The following PPFIBP2 variants were observed in gnomAD, a reference collection of about 807,000 sequenced individuals.
PPFIBP2 encodes the protein PPFIB scaffold protein 2, also known as liprin-beta-2.
Under a neutral mutation model 118.3 loss-of-function variants are expected in PPFIBP2, and 118 were observed. The ratio of observed to expected loss-of-function variants is 1.00; its 90% CI spans 0.86 to 1.16. The LOEUF is 1.16. Ranked by LOEUF, PPFIBP2 falls within the 50% of genes most tolerant of loss-of-function variation. The probability of loss-of-function intolerance (pLI) is 0.00; values close to 1 mark genes in which losing one functional copy is unlikely to be tolerated. For synonymous variants in PPFIBP2, 414 were observed against 397.4 expected (o/e 1.04, Z -0.50); for missense variants, 1,195 against 1,073.1 (o/e 1.11, Z -1.59).
intron 15 of PPFIBP2, 103 bp downstream of exon 15, chr11:7,639,973 G>T (rs1033435340): frequency 2.7e-6 from 4 of 1,462,340 alleles, no homozygotes; most frequent in Admixed American, 2.4e-5. Flanking sequence ...CACAATTGGA[G>T]AATGGTGGGG....
intron 6 of PPFIBP2, among the ~76,000 whole-genome samples, chr11:7,617,731 T>G (rs988354524): frequency 1.3e-5 from 2 of 152,142 alleles, no homozygotes; most frequent in Non-Finnish European, 2.9e-5. Context: ...CCTTTCAAGT[T>G]TATGTTCAAA....
chr11:7,577,522 G>C (rs917954562), intron 3 of PPFIBP2: 31 of 456,144 alleles, frequency 6.8e-5, no homozygotes, highest in African/African-American at 3.0e-4. Flanking sequence ...GAAGAGGAGA[G>C]AACTGGTCTC....
chr11:7,574,439 G>A (rs889143398), intron 3 of PPFIBP2, among the ~76,000 whole-genome samples: 7 of 152,282 alleles, frequency 4.6e-5, no homozygotes, highest in South Asian at 4.2e-4. Context: ...TAACTACCTC[G>A]GCCAATTAAA....
chr11:7,577,253 G>T, intron 3 of PPFIBP2: 1 of 188,452 alleles, frequency 5.3e-6, no homozygotes, highest in African/African-American at 2.4e-5. Context: ...CTCTACCTTT[G>T]TGTGACATTT....
At chr11:7,546,708 C>T (rs1852363994) in intron 1 of PPFIBP2, among the ~76,000 whole-genome samples, 1 of 152,244 alleles carries the variant, frequency 6.6e-6, no homozygotes, top group Non-Finnish European at 1.5e-5. Flanking sequence ...ACCATTTTGG[C>T]CTTTGCCAAC....
the PPFIBP2 span, chr11:7,665,724 A>G: frequency 2.5e-6 from 3 of 1,184,232 alleles, no homozygotes; most frequent in Non-Finnish European, 3.5e-6. Context: ...AGCCCTCTGC[A>G]GCAATCACCC....
At chr11:7,599,149 T>A (rs1460687993) in intron 5 of PPFIBP2, among the ~76,000 whole-genome samples, 1 of 149,196 alleles carries the variant, frequency 6.7e-6, no homozygotes, top group African/African-American at 2.5e-5. Flanking sequence ...GGAAAGAAAA[T>A]AGCCTGATGG....
chr11:7,554,790 AGAC>A (rs1853405309), intron 2 of PPFIBP2, among the ~76,000 whole-genome samples: 1 of 145,498 alleles, frequency 6.9e-6, no homozygotes, highest in East Asian at 2.0e-4. Context: ...CCAGGTGACT[AGAC>A]TAGACTAGAC....
intron 22 of PPFIBP2, 60 bp downstream of exon 22, chr11:7,651,025 A>G: frequency 1.9e-6 from 3 of 1,563,524 alleles, no homozygotes; most frequent in South Asian, 2.4e-5. Flanking sequence ...TCAGAAACTT[A>G]TTTATTAAGG....
intron 6 of PPFIBP2, among the ~76,000 whole-genome samples, chr11:7,618,237 T>G (rs577365685): frequency 6.6e-6 from 1 of 152,186 alleles, no homozygotes; most frequent in African/African-American, 2.4e-5. Context: ...TAGACTTGGA[T>G]AGAGAAGCCT....
chr11:7,524,666 C>T (rs1248545270), intron 1 of PPFIBP2, among the ~76,000 whole-genome samples: 1 of 151,056 alleles, frequency 6.6e-6, no homozygotes, highest in Non-Finnish European at 1.5e-5. Flanking sequence ...TGGGGAAGAT[C>T]AGGATCAGGC....
At chr11:7,630,884 A>C in intron 10 of PPFIBP2, 41 bp from the exon 11 acceptor site, 1 of 1,422,008 alleles carries the variant, frequency 7.0e-7, no homozygotes, top group Non-Finnish European at 9.9e-7. Context: ...GTTTCTGAAC[A>C]TGAATTCAAC....
downstream of PPFIBP2, chr11:7,655,548 A>G: frequency 2.4e-6 from 3 of 1,267,488 alleles, no homozygotes; most frequent in Non-Finnish European, 3.1e-6. Flanking sequence ...AGGGAGGCCC[A>G]GTGAGTTTGG....
At chr11:7,654,170 A>T (rs1304800508), downstream of PPFIBP2, among the ~76,000 whole-genome samples, 1 of 152,218 alleles carries the variant, frequency 6.6e-6, no homozygotes, top group African/African-American at 2.4e-5. Context: ...TTACTGACTT[A>T]GCTAGGCTCA....
At chr11:7,539,271 G>C (rs1425183755) in intron 1 of PPFIBP2, 2 of 152,424 alleles carry the variant, frequency 1.3e-5, no homozygotes, top group Non-Finnish European at 2.9e-5. Flanking sequence ...CGCTGTGTTG[G>C]GCTCCTCTGT....
chr11:7,619,572 A>G (rs1250825596), intron 6 of PPFIBP2, among the ~76,000 whole-genome samples: 1 of 152,230 alleles, frequency 6.6e-6, no homozygotes, highest in Non-Finnish European at 1.5e-5. Flanking sequence ...GAGAGGAGCA[A>G]GACAACAGAG....
At chr11:7,559,820 CT>C (rs1426239887) in intron 2 of PPFIBP2, among the ~76,000 whole-genome samples, 5 of 152,142 alleles carry the variant, frequency 3.3e-5, no homozygotes, top group African/African-American at 9.7e-5. Context: ...TATTTTGCCC[CT>C]GGGCTACTCT....
intron 4 of PPFIBP2, among the ~76,000 whole-genome samples, chr11:7,594,427 C>T (rs1325971942): frequency 6.6e-6 from 1 of 152,204 alleles, no homozygotes; most frequent in Non-Finnish European, 1.5e-5. Context: ...GTTTTAGATG[C>T]TGGGATAAAG....
chr11:7,610,396 C>T lies in PPFIBP2; in HGVS notation c.592C>T (p.Gln198Ter). ...TGGCATGGAGAAGGAGCAGAGAGAG[C>T]AGGAGGAGAAGCAGAGAAAAGCAGA... is the stretch of plus-strand genomic sequence containing the variant. Reference protein sequence around the residue: ...LVGMEKEQREQEEKQRKAEEL... With the variant: ...LVGMEKEQRE Residue 198 changes from glutamine to a stop codon, truncating the protein, a stop_gained, in exon 6 of 24, where the codon CAG (glutamine) becomes TAG (stop). Transcript: ENST00000299492. LOFTEE classifies it high-confidence loss of function. The T allele has an allele frequency of 6.2e-7, 1 of 1,613,960 alleles. No individual in the cohort carries two copies.
Sources: allele counts gnomAD v4.1 joint callset (sites outside exome capture counted in the v4.1 genomes callset), GRCh38; gene constraint gnomAD v4.1.1; transcripts MANE v1.5; gene names NCBI Gene and HGNC (gene_info 2026-07-23, HGNC 2026-07-21).